Variants in CCNY observed in about 807,000 individuals in gnomAD.
CCNY encodes cyclin Y.
In CCNY, 19 loss-of-function variants were observed where a neutral mutation model predicts 42.8. The ratio of observed to expected loss-of-function variants is 0.44; its 90% CI spans 0.31 to 0.65. The LOEUF is 0.65. Among genes scored for constraint, CCNY ranks in the 30% least tolerant of loss-of-function variants. The pLI is 0.07. For synonymous variants in CCNY, 165 were observed against 162.7 expected, an observed-to-expected ratio of 1.01 and a Z score of -0.11; for missense variants, 370 against 437.3, an observed-to-expected ratio of 0.85 and a Z score of 1.37.
intron 3 of CCNY, among the ~76,000 whole-genome samples, chr10:35,285,226 G>C (rs1835339782): frequency 6.6e-6 from 1 of 151,872 alleles, no homozygotes; most frequent in Non-Finnish European, 1.5e-5. Context: ...GTAGAGAGAG[G>C]GTTTTGCCAT....
chr10:35,508,403 C>T (rs954944256), intron 3 of CCNY, among the ~76,000 whole-genome samples: 5 of 152,220 alleles, frequency 3.3e-5, no homozygotes, highest in African/African-American at 7.2e-5. Context: ...TCCATCCTTT[C>T]GTTTTGTTTT....
intron 3 of CCNY, among the ~76,000 whole-genome samples, chr10:35,297,181 A>T (rs913431203): frequency 1.7e-4 from 25 of 149,706 alleles, no homozygotes; most frequent in Admixed American, 5.4e-4. Flanking sequence ...TATACAAATT[A>T]AAAAAAAAAG....
intron 2 of CCNY, among the ~76,000 whole-genome samples, chr10:35,490,571 T>TG (rs766163748): frequency 5.9e-5 from 9 of 152,126 alleles, no homozygotes; most frequent in Non-Finnish European, 1.3e-4. Flanking sequence ...GAGCTTTGCT[T>TG]GGGGGTCTAA....
chr10:35,552,173 TGAATATTATTCAGCCTTAAAAAG>T (rs1336021422), intron 7 of CCNY, among the ~76,000 whole-genome samples: 1 of 152,214 alleles, frequency 6.6e-6, no homozygotes, highest in Non-Finnish European at 1.5e-5. Context: ...TGCATACAGC[TGAATATTATTCAGCCTTAAAAAG>T]GAAGTTCTGA....
At chr10:35,523,258 A>G (rs1259649836) in intron 4 of CCNY, among the ~76,000 whole-genome samples, 5 of 152,206 alleles carry the variant, frequency 3.3e-5, no homozygotes, top group African/African-American at 9.6e-5. Flanking sequence ...AGCCACAAAG[A>G]TATGAAAGGA....
intron 1 of CCNY, among the ~76,000 whole-genome samples, chr10:35,418,071 G>T (rs904226049): frequency 2.0e-5 from 3 of 152,178 alleles, no homozygotes; most frequent in Non-Finnish European, 4.4e-5. Context: ...GTATAAAGTG[G>T]GGTTTATGCT....
rs375376035 is a variant in CCNY, at chr10:35,553,851, A to G, written c.746+666A>G. ...TTCAATTTAGGTGAGGATTATTAGT[A>G]GGACACCTGCAGACTGTTGTCTGGG... On this transcript the variant is annotated intron_variant, in intron 8 of 9. Coordinates refer to ENST00000374704, the MANE Select transcript of CCNY (RefSeq NM_145012.6). Among the ~76,000 whole-genome samples the G allele has an allele frequency of 3.3e-5, 5 of 152,152 alleles. No homozygotes were observed. In the South Asian group the frequency reaches 6.2e-4, roughly 19 times the overall value.
At position 35,467,701 on chromosome 10, in the gene CCNY, GT is replaced by G. The variant is rs1839299893; in HGVS notation, c.155-15702del. On this transcript the variant is annotated intron_variant, in intron 1 of 9. Coordinates refer to ENST00000374704, the MANE Select transcript of CCNY (RefSeq NM_145012.6). Reference sequence around the variant, plus strand: ...GCCCCCAATACAATGTTGATAGTAGGTGGATCCCAGTTTCATTCCTGACTTG... The same window carrying G: ...GCCCCCAATACAATGTTGATAGTAGGGGATCCCAGTTTCATTCCTGACTTG... Among the ~76,000 whole-genome samples the G allele has an allele frequency of 2.0e-5, 3 of 152,150 alleles. No homozygotes were observed. In the South Asian group the frequency reaches 6.2e-4, roughly 32 times the overall value.
At chr10:35,342,065 C>T (rs1046941126) in intron 1 of CCNY, among the ~76,000 whole-genome samples, 1 of 152,044 alleles carries the variant, frequency 6.6e-6, no homozygotes, top group Non-Finnish European at 1.5e-5. Flanking sequence ...GATATAGGTA[C>T]ATGGTGTTTT....
chr10:35,435,319 C>T (rs1043804236), intron 1 of CCNY, among the ~76,000 whole-genome samples: 1 of 152,200 alleles, frequency 6.6e-6, no homozygotes, highest in African/African-American at 2.4e-5. Context: ...ATCTGTTCTA[C>T]CTATGGACAG....
chr10:35,314,509 G>A (rs1246797583), intron 3 of CCNY: 10 of 152,030 alleles, frequency 6.6e-5, no homozygotes, highest in Admixed American at 6.6e-4. Context: ...AATTCAAGAT[G>A]AGATTTGGGT....
rs1415024349 is a variant in CCNY at position 35,447,518 on chromosome 10, T to G, written c.155-35886T>G. Among the ~76,000 whole-genome samples, 3 of 152,280 alleles carry G rather than the reference T, an allele frequency of 2.0e-5. No homozygotes were observed. In the East Asian group the frequency reaches 5.8e-4, roughly 29 times the overall value. On this transcript the variant is annotated intron_variant, in intron 1 of 9. Transcript: ENST00000374704. Reference sequence around the variant, plus strand: ...CATTATCTCTGTCATTTCTCACACTTCTTGATTTTACCTGCACGTTTCCAT... The same window carrying G: ...CATTATCTCTGTCATTTCTCACACTGCTTGATTTTACCTGCACGTTTCCAT...
chr10:35,556,121 G>C (rs1011073851), intron 8 of CCNY, among the ~76,000 whole-genome samples: 4 of 152,142 alleles, frequency 2.6e-5, no homozygotes, highest in Non-Finnish European at 5.9e-5. Flanking sequence ...TGCCATCTGA[G>C]CCACTGGCTG....
chr10:35,516,356 A>T (rs1840425674), intron 3 of CCNY, among the ~76,000 whole-genome samples, 167 bp from the exon 4 acceptor site: 1 of 151,930 alleles, frequency 6.6e-6, no homozygotes, highest in African/African-American at 2.4e-5. Context: ...AAGGAAGTTC[A>T]TTTTATGAAT....
At chr10:35,428,036 G>T (rs1838306788) in intron 1 of CCNY, among the ~76,000 whole-genome samples, 1 of 152,150 alleles carries the variant, frequency 6.6e-6, no homozygotes, top group African/African-American at 2.4e-5. Flanking sequence ...TAGACTCATT[G>T]TTTCCTATAC....
intron 3 of CCNY, among the ~76,000 whole-genome samples, chr10:35,321,440 A>T (rs1589034894): frequency 6.6e-6 from 1 of 152,094 alleles, no homozygotes; most frequent in Non-Finnish European, 1.5e-5. Flanking sequence ...TTGGAGGCTG[A>T]GGTGGGAAGA....
chr10:35,456,058 A>G (rs1294205950), intron 1 of CCNY, among the ~76,000 whole-genome samples: 1 of 151,832 alleles, frequency 6.6e-6, no homozygotes, highest in African/African-American at 2.4e-5. Context: ...ACAGCCCAGT[A>G]TTTTTCTGCT....
intron 8 of CCNY, among the ~76,000 whole-genome samples, chr10:35,558,388 C>G (rs988655694): frequency 1.3e-5 from 2 of 152,196 alleles, no homozygotes; most frequent in Non-Finnish European, 2.9e-5. Context: ...ATCTAGAAAT[C>G]TCTTTCCTAA....
chr10:35,402,976 A>G (rs926860136), intron 1 of CCNY, among the ~76,000 whole-genome samples: 2 of 152,220 alleles, frequency 1.3e-5, no homozygotes, highest in African/African-American at 4.8e-5. Flanking sequence ...TGGCCTTCTC[A>G]GACCCTGTGG....
Sources: allele counts gnomAD v4.1 joint callset (sites outside exome capture counted in the v4.1 genomes callset), GRCh38; gene constraint gnomAD v4.1.1; transcripts MANE v1.5; gene names NCBI Gene and HGNC (gene_info 2026-07-23, HGNC 2026-07-21).